Variants in ESR2 observed in about 807,000 individuals in gnomAD.
The protein encoded by ESR2 is estrogen receptor 2.
A neutral mutation model predicts 49.6 loss-of-function variants in ESR2; 36 were observed. The ratio of observed to expected loss-of-function variants is 0.73; its 90% CI spans 0.56 to 0.96. ESR2 has a LOEUF of 0.96. Among genes scored for constraint, ESR2 ranks in the 40% least tolerant of loss-of-function variants. The pLI is 0.00. For synonymous variants in ESR2, 320 were observed against 266.1 expected, an observed-to-expected ratio of 1.20 and a Z score of -1.97; for missense variants, 714 against 693.0, an observed-to-expected ratio of 1.03 and a Z score of -0.34.
At chr14:64,239,911 T>C (rs1203732911) in intron 7 of ESR2, among the ~76,000 whole-genome samples, 1 of 152,230 alleles carries the variant, frequency 6.6e-6, no homozygotes, top group African/African-American at 2.4e-5. Context: ...AAGCCCACCA[T>C]GGATCAGACC....
At chr14:64,283,934 CT>C (rs981429140) in intron 1 of ESR2, among the ~76,000 whole-genome samples, 11 of 151,560 alleles carry the variant, frequency 7.3e-5, no homozygotes, top group African/African-American at 2.7e-4. Flanking sequence ...TTGGTTTTGT[CT>C]TTGTTTTTGA....
chr14:64,296,345 A>G (rs1489263613), upstream of ESR2, among the ~76,000 whole-genome samples: 1 of 152,222 alleles, frequency 6.6e-6, no homozygotes, highest in Admixed American at 6.5e-5. Flanking sequence ...CCACCTAGTG[A>G]GAAAGGAACC....
chr14:64,240,046 G>A (rs997569072), intron 7 of ESR2, among the ~76,000 whole-genome samples: 4 of 152,188 alleles, frequency 2.6e-5, no homozygotes, highest in Non-Finnish European at 5.9e-5. Flanking sequence ...AAATTTAGCT[G>A]GATGACACAG....
intron 3 of ESR2, among the ~76,000 whole-genome samples, chr14:64,270,165 C>A (rs2076410947): frequency 6.6e-6 from 1 of 152,074 alleles, no homozygotes. Flanking sequence ...AAATGAATCT[C>A]AATGATAAAT....
intron 6 of ESR2, among the ~76,000 whole-genome samples, chr14:64,251,560 A>G (rs2075990920): frequency 6.6e-6 from 1 of 152,150 alleles, no homozygotes; most frequent in Admixed American, 6.6e-5. Context: ...AATATATGCC[A>G]TTTTCACTGC....
chr14:64,240,050 GAC>G (rs1391654368), intron 7 of ESR2, among the ~76,000 whole-genome samples: 15 of 152,168 alleles, frequency 9.9e-5, no homozygotes, highest in East Asian at 5.8e-4. Context: ...TTAGCTGGAT[GAC>G]ACAGTTAATT....
At chr14:64,245,342 T>TG (rs2075827747) in intron 7 of ESR2, among the ~76,000 whole-genome samples, 1 of 151,706 alleles carries the variant, frequency 6.6e-6, no homozygotes, top group Non-Finnish European at 1.5e-5. Context: ...TGAAACCCCA[T>TG]CTCTACTAAA....
chr14:64,234,842 A>G (rs1356774895), intron 8 of ESR2, 128 bp downstream of exon 8: 6 of 1,484,348 alleles, frequency 4.0e-6, no homozygotes, highest in African/African-American at 1.4e-5. Context: ...TGAACTGACA[A>G]ATTCCCCATT....
intron 7 of ESR2, among the ~76,000 whole-genome samples, chr14:64,245,502 A>C (rs1301795408): frequency 8.6e-6 from 1 of 116,262 alleles, no homozygotes; most frequent in Non-Finnish European, 1.8e-5. Context: ...ACAGGGCAAG[A>C]CTCTGTCAAA....
chr14:64,227,282 G>A, downstream of ESR2: 2 of 514,496 alleles, frequency 3.9e-6, no homozygotes, highest in Middle Eastern at 1.0e-3. Flanking sequence ...TCATGGGTGA[G>A]ACATCTGCAA....
At chr14:64,269,365 A>G (rs1190499359) in intron 3 of ESR2, among the ~76,000 whole-genome samples, 1 of 152,246 alleles carries the variant, frequency 6.6e-6, no homozygotes, top group Admixed American at 6.5e-5. Context: ...AGGAACAAAT[A>G]AAGAAATTAG....
Position 64,260,507 on chromosome 14 carries a change from C to T in ESR2, c.894G>A (p.Leu298=). The change falls in exon 5 of 9, where the codon CTG becomes CTA. Residue 298 remains leucine (L), a synonymous_variant. Coordinates refer to ENST00000341099, the MANE Select transcript of ESR2 (RefSeq NM_001437.3). The part of the protein sequence containing the change: ...PFTEASMMMS[L]TKLADKELVH... Reference sequence around the variant, plus strand: ...CCAACTCCTTGTCGGCCAACTTGGTCAGGGACATCATCATGGAGGCCTCGG... The same window carrying T: ...CCAACTCCTTGTCGGCCAACTTGGTTAGGGACATCATCATGGAGGCCTCGG... 2 of 1,542,920 alleles carry T rather than the reference C, an allele frequency of 1.3e-6. No individual in the cohort carries two copies. Among genetic ancestry groups the T allele is most frequent in the South Asian group, 2.5e-5 (2 of 79,516 alleles).
chr14:64,302,274 T>A (rs1369921024), intron 1 of ESR2, among the ~76,000 whole-genome samples: 2 of 151,480 alleles, frequency 1.3e-5, no homozygotes, highest in African/African-American at 4.9e-5. Flanking sequence ...GCAAGCTCTG[T>A]CTCCCGGGTT....
In ESR2 at chr14:64,229,346, T is replaced by TG. The variant is rs1254528915; in HGVS notation, c.*3790dup. Among the ~76,000 whole-genome samples the TG allele has an allele frequency of 1.3e-5, 2 of 151,990 alleles. No homozygotes were observed. The highest frequency in any genetic ancestry group is 2.9e-5 in the Non-Finnish European group (2 of 67,996). On this transcript the variant is annotated 3_prime_UTR_variant, in exon 9 of 9. Transcript: ENST00000341099. ...TGGCCCGCTAGGCAAGCAGAAGACTTGCGTGCCAGTCCAAGCTTTGCCATG... is the reference window on the plus strand; with the variant it reads ...TGGCCCGCTAGGCAAGCAGAAGACTTGGCGTGCCAGTCCAAGCTTTGCCATG...
chr14:64,263,845 A>G (rs2076270823), intron 4 of ESR2, among the ~76,000 whole-genome samples: 2 of 152,186 alleles, frequency 1.3e-5, no homozygotes, highest in African/African-American at 4.8e-5. Context: ...AACAAGCTTG[A>G]TCTACAAAGG....
chr14:64,315,535 C>CAG (rs1567798625), intron 1 of ESR2, among the ~76,000 whole-genome samples: 1 of 151,838 alleles, frequency 6.6e-6, no homozygotes, highest in East Asian at 1.9e-4. Flanking sequence ...AGTGCAGTGG[C>CAG]GCCATCTTGA....
In ESR2 at chr14:64,310,835, T is replaced by A. The variant is rs79181848; in HGVS notation, c.-91+27063A>T. Among the ~76,000 whole-genome samples, 915 of 152,310 alleles carry A rather than the reference T, an allele frequency of 6.0e-3. 5 individuals are homozygous for A. The highest frequency in any genetic ancestry group is 0.021 in the African/African-American group (871 of 41,558). On this transcript the variant is annotated intron_variant, in intron 1 of 8. Transcript: ENST00000358599. Reference sequence around the variant, plus strand: ...AACACAGTAATATTGCATCTCTCCTTCTTGACTGTATCCTTAAAAGTCCTT... The same window carrying A: ...AACACAGTAATATTGCATCTCTCCTACTTGACTGTATCCTTAAAAGTCCTT...
At chr14:64,309,692 G>A (rs964842771) in intron 1 of ESR2, among the ~76,000 whole-genome samples, 3 of 151,850 alleles carry the variant, frequency 2.0e-5, no homozygotes, top group Non-Finnish European at 2.9e-5. Context: ...GGTATAAACT[G>A]GGCATGGTAG....
chr14:64,279,511 C>T (rs760598117), intron 3 of ESR2, among the ~76,000 whole-genome samples: 5 of 152,182 alleles, frequency 3.3e-5, no homozygotes, highest in African/African-American at 4.8e-5. Flanking sequence ...GTGTCTAGAT[C>T]AATTCTCAAA....
Sources: gnomAD v4.1 joint callset for allele counts (sites outside exome capture counted in the v4.1 genomes callset) on GRCh38, gnomAD v4.1.1 for gene constraint, MANE v1.5 for transcripts, NCBI Gene and HGNC (gene_info 2026-07-23, HGNC 2026-07-21) for gene names.